TMEM266: variants seen among roughly 807,000 people sequenced by gnomAD.
TMEM266 encodes Hv1 related protein 1.
Under a neutral mutation model 50.5 loss-of-function variants are expected in TMEM266, and 33 were observed. That is an observed-to-expected ratio of 0.65 (90% confidence interval 0.50 to 0.87). The LOEUF (loss-of-function observed/expected upper bound fraction) is 0.87. TMEM266 is among the 40% of genes least tolerant of loss of function. TMEM266 has a pLI of 0.00. For synonymous variants in TMEM266, 310 were observed against 292.3 expected, an observed-to-expected ratio of 1.06 and a Z score of -0.62; for missense variants, 655 against 695.1, an observed-to-expected ratio of 0.94 and a Z score of 0.65.
intron 10 of TMEM266, among the ~76,000 whole-genome samples, chr15:76,202,751 G>A (rs2038768724): frequency 6.6e-6 from 1 of 152,088 alleles, no homozygotes; most frequent in Non-Finnish European, 1.5e-5. Flanking sequence ...AAATAACGCT[G>A]AGGCCTTGGG....
intron 10 of TMEM266, among the ~76,000 whole-genome samples, chr15:76,202,540 G>C (rs1466269806): frequency 6.6e-6 from 1 of 152,128 alleles, no homozygotes; most frequent in East Asian, 1.9e-4. Flanking sequence ...ATTGGAAGGG[G>C]GTTGGAATCC....
At position 76,204,397 on chromosome 15, in the gene TMEM266, A is replaced by G. The variant is rs1198801076; in HGVS notation, c.*82A>G. On this transcript the variant is annotated 3_prime_UTR_variant, in exon 11 of 11. Transcript: ENST00000388942. ...GACCCTGGAGGCTGCCAAGGGCCAC[A>G]CGCGGGGCCCAGGAGCCCACCTGGC... 1.5e-6 allele frequency: 2 copies of G among 1,372,254 alleles called. No individual in the cohort carries two copies. Among genetic ancestry groups the G allele is most frequent in the Non-Finnish European group, 2.0e-6 (2 of 1,007,826 alleles). 85.0% of individuals were successfully genotyped at this position (1,372,254 alleles called of 1,614,324 possible).
At chr15:76,126,893 G>A (rs1191994406) in intron 1 of TMEM266, among the ~76,000 whole-genome samples, 1 of 152,084 alleles carries the variant, frequency 6.6e-6, no homozygotes, top group African/African-American at 2.4e-5. Flanking sequence ...TAGAATGATA[G>A]TTACCAGGGG....
chr15:76,164,803 G>A (rs1304076731), intron 5 of TMEM266, among the ~76,000 whole-genome samples: 2 of 152,170 alleles, frequency 1.3e-5, no homozygotes, highest in East Asian at 1.9e-4. Context: ...TTGGGTGGCC[G>A]CGGGCTTGGG....
chr15:76,087,803 G>A (rs2036796179), intron 1 of TMEM266, among the ~76,000 whole-genome samples: 1 of 152,122 alleles, frequency 6.6e-6, no homozygotes, highest in Non-Finnish European at 1.5e-5. Flanking sequence ...GTGAGGGGCT[G>A]ATGTCAAATG....
chr15:76,154,443 G>A (rs994458430), intron 3 of TMEM266, among the ~76,000 whole-genome samples: 10 of 152,048 alleles, frequency 6.6e-5, no homozygotes, highest in Non-Finnish European at 1.2e-4. Flanking sequence ...TGGAGTGGGC[G>A]ATGGGGATGT....
At chr15:76,121,406 T>A (rs1271185965) in intron 1 of TMEM266, among the ~76,000 whole-genome samples, 2 of 152,006 alleles carry the variant, frequency 1.3e-5, no homozygotes, top group African/African-American at 4.8e-5. Flanking sequence ...AACAAGCCTT[T>A]CTTGGTGTTC....
At chr15:76,109,513 A>C (rs571081166) in intron 1 of TMEM266, among the ~76,000 whole-genome samples, 6 of 152,184 alleles carry the variant, frequency 3.9e-5, no homozygotes, top group Non-Finnish European at 8.8e-5. Flanking sequence ...AAAAGTGGCA[A>C]TAGCCAGGTG....
At chr15:76,170,264 TGGTG>T (rs1231677103) in intron 6 of TMEM266, among the ~76,000 whole-genome samples, 1 of 152,124 alleles carries the variant, frequency 6.6e-6, no homozygotes, top group African/African-American at 2.4e-5. Context: ...CGGGTGGGTG[TGGTG>T]GGTGGGATGA....
intron 9 of TMEM266, among the ~76,000 whole-genome samples, chr15:76,193,986 C>T (rs939576752): frequency 2.6e-5 from 4 of 152,230 alleles, no homozygotes; most frequent in African/African-American, 9.6e-5. Context: ...TGGGGCGCTG[C>T]AAGCCCAGGG....
chr15:76,106,378 T>C (rs745578114), intron 1 of TMEM266, among the ~76,000 whole-genome samples: 4 of 152,182 alleles, frequency 2.6e-5, no homozygotes, highest in Admixed American at 6.5e-5. Flanking sequence ...ATAAAAATTA[T>C]ATATATTTAT....
intron 1 of TMEM266, among the ~76,000 whole-genome samples, chr15:76,065,314 C>G (rs1418598326): frequency 6.6e-6 from 1 of 152,042 alleles, no homozygotes; most frequent in Non-Finnish European, 1.5e-5. Context: ...CCTGCCCCCA[C>G]CCCTCTACTG....
At chr15:76,170,005 T>G in intron 6 of TMEM266, 133 bp downstream of exon 6, 6 of 849,900 alleles carry the variant, frequency 7.1e-6, no homozygotes, top group Non-Finnish European at 9.5e-6. Context: ...TCTGTGGCTG[T>G]GCATGTTGGG....
intron 4 of TMEM266, 81 bp downstream of exon 4, chr15:76,156,839 A>G (rs1416076696): frequency 9.1e-6 from 13 of 1,435,794 alleles, no homozygotes; most frequent in East Asian, 2.3e-5. Flanking sequence ...GGGGTCCCCA[A>G]CCTGCAGGCT....
chr15:76,159,252 C>T (rs1024275333), intron 4 of TMEM266, among the ~76,000 whole-genome samples: 4 of 152,230 alleles, frequency 2.6e-5, no homozygotes, highest in African/African-American at 9.6e-5. Context: ...GTCCTGGGCC[C>T]CAGCATCCTG....
Position 76,192,027 on chromosome 15 carries a change from G to T in TMEM266, c.828G>T (p.Glu276Asp). The T allele has an allele frequency of 6.4e-7, 1 of 1,567,402 alleles. No individual in the cohort carries two copies. The highest frequency in any genetic ancestry group is 8.6e-7 in the Non-Finnish European group (1 of 1,162,668). ...AGCAGGACCTGGACCTGGCTGCCGA[G>T]CGCGAAGCGGCGCTCCAGGCCCCGC... The change falls in exon 9 of 11, where the codon GAG becomes GAT. Residue 276 changes from glutamate to aspartate, a missense_variant. Transcript: ENST00000388942.
intron 3 of TMEM266, among the ~76,000 whole-genome samples, chr15:76,140,412 G>A (rs185652125): frequency 1.3e-5 from 2 of 152,356 alleles, no homozygotes; most frequent in Admixed American, 6.5e-5. Flanking sequence ...CTGGGGCAAT[G>A]GAAAACAAAA....
chr15:76,191,998 G>C lies in TMEM266; in HGVS notation c.799G>C (p.Ala267Pro). 6.3e-7 allele frequency: 1 copy of C among 1,583,842 alleles called. No homozygotes were observed. The highest frequency in any genetic ancestry group is 8.5e-7 in the Non-Finnish European group (1 of 1,169,784). The part of the protein sequence containing the change: ...HLAQQDLDLA[A>P]EREAALQAPH... The stretch of plus-strand genomic sequence containing the variant: ...GATCCGGCAGCTGCGCGCGCACCTG[G>C]CGCAGCAGGACCTGGACCTGGCTGC... The change falls in exon 9 of 11, where the codon GCG becomes CCG. Residue 267 changes from alanine to proline, a missense_variant. By Grantham distance (27) the Ala-to-Pro change is conservative. This residue lies in a region of TMEM266 where 455 missense variants were observed against 401.8 expected (regional missense o/e 1.13). Transcript: ENST00000388942.
intron 1 of TMEM266, among the ~76,000 whole-genome samples, chr15:76,063,171 C>T (rs922542513): frequency 5.9e-5 from 9 of 152,178 alleles, no homozygotes; most frequent in Non-Finnish European, 1.3e-4. Context: ...CTGTTTCTTA[C>T]TATGGCTGTC....
Sources: allele counts gnomAD v4.1 joint callset (sites outside exome capture counted in the v4.1 genomes callset), GRCh38; gene constraint gnomAD v4.1.1; regional missense constraint gnomAD v4.1.1; transcripts MANE v1.5; gene names NCBI Gene and HGNC (gene_info 2026-07-23, HGNC 2026-07-21).